The following CTIF variants were observed in gnomAD, a reference collection of about 807,000 sequenced individuals.
CTIF encodes the protein CBP80/20-dependent translation initiation factor.
In CTIF, 21 loss-of-function variants were observed where a neutral mutation model predicts 66.0. That is an observed-to-expected ratio of 0.32 (90% CI 0.23 to 0.46). The LOEUF is 0.46. Among genes scored for constraint, CTIF ranks in the 20% least tolerant of loss-of-function variants. The probability of loss-of-function intolerance (pLI) is 1.00; values close to 1 mark genes in which losing one functional copy is unlikely to be tolerated. For synonymous variants in CTIF, 345 were observed against 326.4 expected (o/e 1.06, Z -0.62); for missense variants, 739 against 812.7 (o/e 0.91, Z 1.10).
At chr18:48,797,183 A>G (rs779073355) in intron 9 of CTIF, among the ~76,000 whole-genome samples, 3 of 152,084 alleles carry the variant, frequency 2.0e-5, no homozygotes, top group Non-Finnish European at 4.4e-5. Context: ...TGTTTTTCTC[A>G]TAAAAGGGCA....
chr18:48,549,154 A>C (rs530332907), intron 1 of CTIF, among the ~76,000 whole-genome samples: 1 of 152,178 alleles, frequency 6.6e-6, no homozygotes, highest in Non-Finnish European at 1.5e-5. Flanking sequence ...TGCAGGGTGC[A>C]CATAGGGGTG....
In CTIF at chr18:48,570,095, C is replaced by T. The variant is rs147295862; in HGVS notation, c.-29+30783C>T. On this transcript the variant is annotated intron_variant, in intron 1 of 11. Coordinates refer to ENST00000256413, the MANE Select transcript of CTIF (RefSeq NM_014772.3). Reference sequence around the variant, plus strand: ...CACGTTGATTGGTTTACTTCCAGTCCTCCCTGTGAGTGGAAGAGCAGAGAT... The same window carrying T: ...CACGTTGATTGGTTTACTTCCAGTCTTCCCTGTGAGTGGAAGAGCAGAGAT... Among the ~76,000 whole-genome samples, 159 of 152,280 alleles carry T rather than the reference C, an allele frequency of 1.0e-3. 2 individuals are homozygous for T. In the South Asian group the frequency reaches 0.011, roughly 10 times the overall value.
chr18:48,744,327 A>G (rs2092578187), intron 7 of CTIF, among the ~76,000 whole-genome samples: 3 of 152,166 alleles, frequency 2.0e-5, no homozygotes, highest in Admixed American at 6.5e-5. Flanking sequence ...TGCGTAAGAA[A>G]TTGACTTAAG....
At chr18:48,623,489 C>A (rs1300387727) in intron 2 of CTIF, among the ~76,000 whole-genome samples, 3 of 151,328 alleles carry the variant, frequency 2.0e-5, no homozygotes, top group Non-Finnish European at 4.4e-5. Context: ...TAAAAAAATT[C>A]TCTATTAACA....
chr18:48,589,524 C>G (rs921338847), intron 1 of CTIF, among the ~76,000 whole-genome samples: 1 of 152,210 alleles, frequency 6.6e-6, no homozygotes, highest in African/African-American at 2.4e-5. Context: ...GCCACATTCA[C>G]AGGTCCTAGG....
intron 1 of CTIF, among the ~76,000 whole-genome samples, chr18:48,598,592 G>A (rs1046760868): frequency 5.3e-5 from 8 of 152,154 alleles, no homozygotes; most frequent in Non-Finnish European, 1.2e-4. Flanking sequence ...GAACCCTTTG[G>A]TATTTGCCAG....
At chr18:48,741,274 G>GCCCCCC (rs759009342) in intron 7 of CTIF, among the ~76,000 whole-genome samples, 5 of 99,990 alleles carry the variant, frequency 5.0e-5, no homozygotes, top group African/African-American at 7.0e-5. Context: ...TCTTTACTCT[G>GCCCCCC]CCCCCGCCCC....
intron 6 of CTIF, among the ~76,000 whole-genome samples, chr18:48,703,070 G>C (rs1168124958): frequency 6.6e-6 from 1 of 152,202 alleles, no homozygotes; most frequent in Non-Finnish European, 1.5e-5. Context: ...GTCTACCCAG[G>C]TTGGGGCTAG....
At chr18:48,626,076 A>T (rs1314783347) in intron 2 of CTIF, among the ~76,000 whole-genome samples, 1 of 137,954 alleles carries the variant, frequency 7.2e-6, no homozygotes, top group African/African-American at 2.8e-5. Flanking sequence ...ATCTCAGCTC[A>T]CTGCAACCTC....
intron 9 of CTIF, among the ~76,000 whole-genome samples, chr18:48,771,836 G>A (rs1321723199): frequency 6.6e-6 from 1 of 152,200 alleles, no homozygotes; most frequent in Non-Finnish European, 1.5e-5. Context: ...CGGGGAATCT[G>A]AGCTATGCTA....
chr18:48,603,675 TG>T (rs1415962718), intron 1 of CTIF, among the ~76,000 whole-genome samples: 1 of 151,246 alleles, frequency 6.6e-6, no homozygotes, highest in Non-Finnish European at 1.5e-5. Flanking sequence ...GGTGGGTAGG[TG>T]GGTGGATTGC....
At chr18:48,632,377 G>A (rs2090735211) in intron 2 of CTIF, among the ~76,000 whole-genome samples, 2 of 152,164 alleles carry the variant, frequency 1.3e-5, no homozygotes, top group Admixed American at 1.3e-4. Context: ...CCCGCCTCCG[G>A]CTTTGTTGGG....
At chr18:48,690,300 C>A (rs556040341) in intron 6 of CTIF, among the ~76,000 whole-genome samples, 3 of 152,304 alleles carry the variant, frequency 2.0e-5, no homozygotes, top group East Asian at 3.9e-4. Context: ...GTTGTGACAG[C>A]CCCTTACCAG....
intron 3 of CTIF, among the ~76,000 whole-genome samples, chr18:48,646,180 T>C (rs913109372): frequency 6.6e-6 from 1 of 152,124 alleles, no homozygotes; most frequent in Non-Finnish European, 1.5e-5. Context: ...AAACGGCTCG[T>C]ATTTAGAATA....
chr18:48,551,987 A>G (rs536174157), intron 1 of CTIF, among the ~76,000 whole-genome samples: 1 of 152,198 alleles, frequency 6.6e-6, no homozygotes, highest in South Asian at 2.1e-4. Context: ...TATTTTTAGT[A>G]GAGACGGGGT....
rs572884956 is a variant in CTIF at position 48,617,081 on chromosome 18, G to A, written c.-28-2457G>A. ...TTGAATTCTTAGCTGGAGGCTCTGG[G>A]GGAAAAGTCTGCTTCCAGGCTCATT... On this transcript the variant is annotated intron_variant, in intron 1 of 11. Transcript: ENST00000256413. Among the ~76,000 whole-genome samples the A allele has an allele frequency of 1.2e-3, 187 of 152,310 alleles. 9 individuals carry two copies. The South Asian group carries it at 0.029, about 24-fold the overall frequency.
At chr18:48,721,107 G>A (rs973953550) in intron 7 of CTIF, among the ~76,000 whole-genome samples, 5 of 152,312 alleles carry the variant, frequency 3.3e-5, no homozygotes, top group African/African-American at 1.2e-4. Flanking sequence ...GGAGAGCAGA[G>A]TACTACTCTT....
At chr18:48,819,376 C>G (rs533856030) in intron 10 of CTIF, among the ~76,000 whole-genome samples, 7 of 152,362 alleles carry the variant, frequency 4.6e-5, no homozygotes, top group African/African-American at 1.7e-4. Context: ...GACAACCCAC[C>G]TCGAGACAGG....
chr18:48,562,633 C>G (rs1010897539), intron 1 of CTIF, among the ~76,000 whole-genome samples: 3 of 152,168 alleles, frequency 2.0e-5, no homozygotes, highest in African/African-American at 4.8e-5. Context: ...TTGGTTGCTA[C>G]AAGAGGAATT....
Sources: allele counts gnomAD v4.1 joint callset (sites outside exome capture counted in the v4.1 genomes callset), GRCh38; gene constraint gnomAD v4.1.1; transcripts MANE v1.5; gene names NCBI Gene and HGNC (gene_info 2026-07-23, HGNC 2026-07-21).